Variants in TLN2 observed in about 807,000 individuals in gnomAD.
The protein encoded by TLN2 is talin 2.
A neutral mutation model predicts 294.7 loss-of-function variants in TLN2; 118 were observed. That is an observed-to-expected ratio of 0.40 (90% confidence interval 0.34 to 0.47). TLN2 has a LOEUF of 0.47. TLN2 is among the 20% of genes least tolerant of loss of function. TLN2 has a pLI of 0.84. For missense variants in TLN2, 3,083 were observed against 3,282.2 expected (o/e 0.94, Z 1.48); for synonymous variants, 1,431 against 1,304.5 (o/e 1.10, Z -2.09).
chr15:62,691,025 CGTGGGAGAGGGA>C (rs2057844115), intron 12 of TLN2, among the ~76,000 whole-genome samples: 1 of 21,276 alleles, frequency 4.7e-5, no homozygotes, highest in Non-Finnish European at 9.3e-5. Context: ...GGAGGGAGAC[CGTGGGAGAGGGA>C]GAGGGAGAGG....
intron 55 of TLN2, chr15:62,834,345 GA>G (rs1309139625): frequency 6.6e-6 from 1 of 152,174 alleles, no homozygotes; most frequent in Non-Finnish European, 1.5e-5. Flanking sequence ...AGGCGCCACA[GA>G]AACCTGACCG....
chr15:62,530,540 A>G (rs1368036875), intron 1 of TLN2, among the ~76,000 whole-genome samples: 1 of 152,144 alleles, frequency 6.6e-6, no homozygotes, highest in East Asian at 1.9e-4. Context: ...TATTTTTAGT[A>G]GAGACAGGGT....
At chr15:62,599,750 CT>C (rs745567741) in intron 2 of TLN2, among the ~76,000 whole-genome samples, 2 of 152,162 alleles carry the variant, frequency 1.3e-5, no homozygotes, top group Non-Finnish European at 2.9e-5. Flanking sequence ...GGTCCGGATG[CT>C]TGGTTCATTT....
At chr15:62,765,203 G>C (rs1475318050) in intron 40 of TLN2, among the ~76,000 whole-genome samples, 1 of 152,000 alleles carries the variant, frequency 6.6e-6, no homozygotes, top group Non-Finnish European at 1.5e-5. Context: ...TTGTGTTCTT[G>C]ACTATAATCA....
At chr15:62,428,964 G>C (rs1566964122) in intron 1 of TLN2, among the ~76,000 whole-genome samples, 1 of 152,254 alleles carries the variant, frequency 6.6e-6, no homozygotes, top group East Asian at 1.9e-4. Flanking sequence ...CACTGACTCA[G>C]AGCTTCTGGA....
intron 1 of TLN2, among the ~76,000 whole-genome samples, chr15:62,569,638 T>C (rs920429441): frequency 1.3e-5 from 2 of 152,320 alleles, no homozygotes; most frequent in Admixed American, 6.5e-5. Context: ...TGTAAGCCGG[T>C]GAACTCAGTG....
At chr15:62,698,238 G>C (rs1425782136) in intron 15 of TLN2, among the ~76,000 whole-genome samples, 2 of 152,210 alleles carry the variant, frequency 1.3e-5, no homozygotes, top group Non-Finnish European at 2.9e-5. Flanking sequence ...CCTTTCCACT[G>C]TGCTGGTCTG....
At position 62,797,387 on chromosome 15, in the gene TLN2, C is replaced by A; in HGVS notation, c.6219C>A (p.Asp2073Glu). Reference protein sequence around the residue: ...VKLGAASLGSDDPETQVVLIN... With the variant: ...VKLGAASLGSEDPETQVVLIN... ...TGGGGGCAGCCAGCCTGGGCTCCGA[C>A]GACCCCGAGACCCAGGTACCAGCAG... The change falls in exon 48 of 59, where the codon GAC becomes GAA. Residue 2073 changes from aspartate to glutamate, a missense_variant. Coordinates refer to ENST00000636159, the MANE Select transcript of TLN2 (RefSeq NM_015059.3). 3 of 1,603,780 alleles carry A rather than the reference C, an allele frequency of 1.9e-6. No homozygotes were observed. The highest frequency in any genetic ancestry group is 1.1e-5 in the South Asian group (1 of 90,106).
At chr15:62,702,406 C>A (rs920066132) in intron 18 of TLN2, among the ~76,000 whole-genome samples, 2 of 152,222 alleles carry the variant, frequency 1.3e-5, no homozygotes, top group Non-Finnish European at 2.9e-5. Context: ...AGGCCTCCCC[C>A]TCAAGGGTAC....
chr15:62,676,012 G>A (rs992916330), intron 11 of TLN2, among the ~76,000 whole-genome samples: 3 of 152,102 alleles, frequency 2.0e-5, no homozygotes, highest in Non-Finnish European at 2.9e-5. Flanking sequence ...TTGGCCTCTC[G>A]CCTGGGGCCG....
At chr15:62,491,808 A>T (rs2038741911) in intron 1 of TLN2, among the ~76,000 whole-genome samples, 1 of 152,182 alleles carries the variant, frequency 6.6e-6, no homozygotes, top group Non-Finnish European at 1.5e-5. Context: ...GTCAGAGCAG[A>T]ATCTCACTGC....
intron 1 of TLN2, among the ~76,000 whole-genome samples, chr15:62,444,994 G>A (rs965216772): frequency 4.6e-5 from 7 of 152,212 alleles, no homozygotes; most frequent in Non-Finnish European, 7.3e-5. Flanking sequence ...CAAAATTACA[G>A]TTATTATGTA....
chr15:62,393,903 G>A (rs1292917674), intron 1 of TLN2, among the ~76,000 whole-genome samples: 1 of 147,356 alleles, frequency 6.8e-6, no homozygotes, highest in Non-Finnish European at 1.5e-5. Flanking sequence ...AGCCTTCCAA[G>A]TAGCTGGGAC....
At chr15:62,636,228 G>T (rs1035095995) in intron 3 of TLN2, among the ~76,000 whole-genome samples, 2 of 148,568 alleles carry the variant, frequency 1.3e-5, no homozygotes, top group Non-Finnish European at 3.0e-5. Context: ...TGACTTCTAA[G>T]TCTAAGATCA....
rs1191042237 is a variant in TLN2, at chr15:62,841,201, G to A, written c.*591G>A. On this transcript the variant is annotated 3_prime_UTR_variant, in exon 59 of 59. Transcript: ENST00000636159. ...CACGCTTTCTTGCCTCCGTGTGTAA[G>A]CTCCTTGTACAACCCAGACCCATCT... 6.5e-6 allele frequency: 1 copy of A among 152,798 alleles called. No homozygotes were observed. Among genetic ancestry groups the A allele is most frequent in the Admixed American group, 6.5e-5 (1 of 15,282 alleles). The allele number at this position is 152,798 out of a possible 1,614,324, so 9.5% of individuals were successfully genotyped here.
intron 1 of TLN2, among the ~76,000 whole-genome samples, chr15:62,450,271 TG>T (rs1170823949): frequency 1.3e-5 from 2 of 152,142 alleles, no homozygotes; most frequent in Non-Finnish European, 2.9e-5. Flanking sequence ...TGCTGTTGCT[TG>T]TGCACTGGAG....
At chr15:62,609,615 G>A (rs1480134044) in intron 2 of TLN2, among the ~76,000 whole-genome samples, 3 of 152,122 alleles carry the variant, frequency 2.0e-5, no homozygotes, top group Non-Finnish European at 4.4e-5. Flanking sequence ...CTGATGCGTC[G>A]TTGGCGGGAA....
At chr15:62,669,580 G>T (rs997954707) in intron 9 of TLN2, among the ~76,000 whole-genome samples, 1 of 152,210 alleles carries the variant, frequency 6.6e-6, no homozygotes, top group Non-Finnish European at 1.5e-5. Context: ...TAAGGAGACA[G>T]TGGGAGGGAT....
intron 1 of TLN2, among the ~76,000 whole-genome samples, chr15:62,435,133 A>G (rs967549939): frequency 2.0e-5 from 3 of 152,168 alleles, no homozygotes; most frequent in East Asian, 3.8e-4. Context: ...TCCATGGTGT[A>G]TATGTTCCAC....
Sources: allele counts gnomAD v4.1 joint callset (sites outside exome capture counted in the v4.1 genomes callset), GRCh38; gene constraint gnomAD v4.1.1; transcripts MANE v1.5; gene names NCBI Gene and HGNC (gene_info 2026-07-23, HGNC 2026-07-21).